PTBP1: variants seen among roughly 807,000 people sequenced by gnomAD.
PTBP1 encodes polypyrimidine tract-binding protein 1.
Under a neutral mutation model 59.8 loss-of-function variants are expected in PTBP1, and 8 were observed. The ratio of observed to expected loss-of-function variants is 0.13; its 90% CI spans 0.08 to 0.24. The LOEUF (loss-of-function observed/expected upper bound fraction) is 0.24. PTBP1 is among the 10% of genes least tolerant of loss of function. The probability of loss-of-function intolerance (pLI) is 1.00; values close to 1 mark genes in which losing one functional copy is unlikely to be tolerated. For missense variants in PTBP1, 686 were observed against 767.0 expected, an observed-to-expected ratio of 0.89 and a Z score of 1.25; for synonymous variants, 490 against 320.7, an observed-to-expected ratio of 1.53 and a Z score of -5.64.
At chr19:800,220 C>T (rs572316551) in intron 2 of PTBP1, among the ~76,000 whole-genome samples, 13 of 152,028 alleles carry the variant, frequency 8.6e-5, no homozygotes, top group Non-Finnish European at 1.8e-4. Flanking sequence ...AGTTGTGAGC[C>T]GCCAGACCCG....
intron 2 of PTBP1, among the ~76,000 whole-genome samples, chr19:801,308 G>GGAGCCTCC (rs1229431003): frequency 1.3e-5 from 2 of 152,212 alleles, no homozygotes; most frequent in Non-Finnish European, 2.9e-5. Context: ...GTGGAGCCTC[G>GGAGCCTCC]GAGCCTCCAG....
Position 808,177 on chromosome 19 carries a change from T to C in PTBP1, c.1154-183T>C. Reference sequence around the variant, plus strand: ...TTACCTGTCCTGGATGCTATGACTTTGCTGAACGGAGCTGCTCCTGTTAGC... The same window carrying C: ...TTACCTGTCCTGGATGCTATGACTTCGCTGAACGGAGCTGCTCCTGTTAGC... On this transcript the variant is annotated intron_variant, in intron 11 of 14. Transcript: ENST00000356948. This position sits in a 1 kb window ranked among gnomAD's most constrained non-coding sequence, Gnocchi z 4.7. The C allele has an allele frequency of 4.6e-6, 3 of 646,110 alleles. No individual in the cohort carries two copies. Among genetic ancestry groups the C allele is most frequent in the Non-Finnish European group, 5.5e-6 (2 of 362,548 alleles). 40.0% of individuals were successfully genotyped at this position (646,110 alleles called of 1,614,324 possible). A position where few individuals can be genotyped will look rare whatever the true frequency, so the allele number is the denominator to read the frequency against.
At chr19:806,357 C>T (rs2034574842) in intron 9 of PTBP1, 51 bp from the exon 10 acceptor site, 4 of 1,552,900 alleles carry the variant, frequency 2.6e-6, no homozygotes, top group Admixed American at 3.8e-5. Flanking sequence ...CTCTCCCACT[C>T]TGCGGTGGAG....
rs1303893166 is a variant in PTBP1 at position 805,458 on chromosome 19, T to G, written c.893-34T>G. The stretch of plus-strand genomic sequence containing the variant: ...CAGCGCCCGCTCGCGGTGGAGGTTG[T>G]GGGTGCGATGATTAGTGTCTCATTT... On this transcript the variant is annotated intron_variant, in intron 8 of 14. Transcript: ENST00000356948. 1 of 1,578,318 alleles carries G rather than the reference T, an allele frequency of 6.3e-7. No homozygotes were observed. The highest frequency in any genetic ancestry group is 8.7e-7 in the Non-Finnish European group (1 of 1,147,614).
At chr19:797,535 G>A (rs1398788343) in intron 1 of PTBP1, 30 bp downstream of exon 1, 6 of 1,472,782 alleles carry the variant, frequency 4.1e-6, no homozygotes, top group African/African-American at 1.5e-5. Context: ...GCGCCCCACC[G>A]CCCTCCCCGC....
rs2034431869 is a variant in PTBP1 at position 803,584 on chromosome 19, T to C, written c.63T>C (p.Ser21=). The C allele has an allele frequency of 6.2e-7, 1 of 1,614,166 alleles. No individual in the cohort carries two copies. Reference sequence around the variant, plus strand: ...AGCGGGGATCTGACGAGCTTTTCTCTACTTGTGTCACTAACGGACCGTTTA... The same window carrying C: ...AGCGGGGATCTGACGAGCTTTTCTCCACTTGTGTCACTAACGGACCGTTTA... ...GTKRGSDELF[S]TCVTNGPFIM... is the part of the protein sequence containing the mutation. Residue 21 remains serine (S), a synonymous_variant, in exon 3 of 15, where the codon TCT becomes TCC. Coordinates refer to ENST00000356948, the MANE Select transcript of PTBP1 (RefSeq NM_002819.5).
intron 10 of PTBP1, 146 bp downstream of exon 10, chr19:806,702 C>T (rs1018946274): frequency 1.6e-5 from 11 of 673,894 alleles, no homozygotes; most frequent in African/African-American, 1.2e-4. Flanking sequence ...GCGCTGAGAC[C>T]CTCCTTTTCC....
chr19:805,856 G>A (rs981757060), intron 9 of PTBP1: 1 of 453,108 alleles, frequency 2.2e-6, no homozygotes, highest in Non-Finnish European at 4.0e-6. Flanking sequence ...CGCGAGGACC[G>A]CCAGTGGTTG....
rs1460773516 is a variant in PTBP1, at chr19:811,650, ACCCAGTTTCCAGAGAGCAGGCGGGG to A, written c.*827_*851del. 1.3e-5 allele frequency: 2 copies of A among 152,348 alleles called. No individual in the cohort carries two copies. The highest frequency in any genetic ancestry group is 4.8e-5 in the African/African-American group (2 of 41,428). The allele number at this position is 152,348 out of a possible 1,614,324, so 9.4% of individuals were successfully genotyped here. On this transcript the variant is annotated 3_prime_UTR_variant, in exon 15 of 15. Coordinates refer to ENST00000356948, the MANE Select transcript of PTBP1 (RefSeq NM_002819.5). ...TCCTTGTAATTAAGTCACAGGCAGG[ACCCAGTTTCCAGAGAGCAGGCGGGG>A]CCGCCCAGTGGGTCAGGCACAGGGA...
At position 811,055 on chromosome 19, in the gene PTBP1, C is replaced by T. The variant is rs758492495; in HGVS notation, c.*229C>T. The T allele has an allele frequency of 1.9e-5, 9 of 469,268 alleles. No homozygotes were observed. The highest frequency in any genetic ancestry group is 3.3e-5 in the Non-Finnish European group (9 of 274,606). The allele number at this position is 469,268 out of a possible 1,614,324, so 29.1% of individuals were successfully genotyped here. Reference sequence around the variant, plus strand: ...ACTGTGGCAGCGGGAGTTCCCGGCCCTCCACACCCGGGGCCAGACCCTCGG... The same window carrying T: ...ACTGTGGCAGCGGGAGTTCCCGGCCTTCCACACCCGGGGCCAGACCCTCGG... On this transcript the variant is annotated 3_prime_UTR_variant, in exon 15 of 15. Transcript: ENST00000356948.
chr19:797,518 T>A lies in PTBP1; in HGVS notation c.8+13T>A. The A allele has an allele frequency of 6.6e-7, 1 of 1,514,844 alleles. No individual in the cohort carries two copies. Among genetic ancestry groups the A allele is most frequent in the Non-Finnish European group, 8.8e-7 (1 of 1,137,294 alleles). The allele number at this position is 1,514,844 out of a possible 1,614,324, so 93.8% of individuals were successfully genotyped here. On this transcript the variant is annotated intron_variant, in intron 1 of 14. Transcript: ENST00000356948. ...GTGCCATGGACGGGTGAGTCGCACG[T>A]CGCCCCGCGCCCCACCGCCCTCCCC...
rs1277699301 is a variant in PTBP1 at position 805,646 on chromosome 19, CGGCAGCCTG to C, written c.970+81_970+89del. On this transcript the variant is annotated intron_variant, in intron 9 of 14. Transcript: ENST00000356948. Reference sequence around the variant, plus strand: ...TTCCCAGGCAGCTCCGCATCCACGGCGGCAGCCTGGGCGGACTGGGCACTCGAGTGCCAG... The same window carrying C: ...TTCCCAGGCAGCTCCGCATCCACGGCGGCGGACTGGGCACTCGAGTGCCAG... 3.1e-6 allele frequency: 4 copies of C among 1,305,676 alleles called. No homozygotes were observed. In the African/African-American group the frequency reaches 4.4e-5, roughly 14 times the overall value. 80.9% of individuals were successfully genotyped at this position (1,305,676 alleles called of 1,614,324 possible). A position where few individuals can be genotyped will look rare whatever the true frequency, so the allele number is the denominator to read the frequency against.
chr19:808,257 CGGGCTGAGCCGGGCCTTGTG>C lies in PTBP1; in HGVS notation c.1154-99_1154-80del. On this transcript the variant is annotated intron_variant, in intron 11 of 14. Coordinates refer to ENST00000356948, the MANE Select transcript of PTBP1 (RefSeq NM_002819.5). The surrounding 1 kb of genome is among the most constrained non-coding windows in gnomAD (Gnocchi z 4.7). ...CAGTGGCCGATAAAGCAAACCCGGC[CGGGCTGAGCCGGGCCTTGTG>C]GGGGTGCGCGGGGCCGGGGCTGACG... 2 of 992,668 alleles carry C rather than the reference CGGGCTGAGCCGGGCCTTGTG, an allele frequency of 2.0e-6. No homozygotes were observed. The highest frequency in any genetic ancestry group is 3.1e-6 in the Non-Finnish European group (2 of 651,052). The allele number at this position is 992,668 out of a possible 1,614,324, so 61.5% of individuals were successfully genotyped here.
At chr19:809,445 T>A (rs759845507) in intron 13 of PTBP1, among the ~76,000 whole-genome samples, 5 of 151,972 alleles carry the variant, frequency 3.3e-5, no homozygotes, top group Admixed American at 6.6e-5. Flanking sequence ...GCCTCCCGAG[T>A]AGCTGGGAGG....
intron 10 of PTBP1, chr19:807,364 G>C (rs983804472): frequency 6.4e-6 from 1 of 156,874 alleles, no homozygotes; most frequent in Non-Finnish European, 1.4e-5. Flanking sequence ...GCGTGGTTGG[G>C]ATCGGCTTCT....
chr19:799,334 C>G (rs745634244), intron 1 of PTBP1, 79 bp from the exon 2 acceptor site: 2 of 1,386,134 alleles, frequency 1.4e-6, no homozygotes, highest in Admixed American at 3.3e-5. Context: ...TACGGGCTCT[C>G]CTGGCCCGGG....
chr19:799,710 C>G (rs907182228), intron 2 of PTBP1, among the ~76,000 whole-genome samples: 5 of 152,208 alleles, frequency 3.3e-5, no homozygotes, highest in African/African-American at 1.2e-4. Context: ...AGCGAGGGCT[C>G]TGTGTGCCCC....
intron 1 of PTBP1, chr19:798,618 C>G (rs1307613492): frequency 1.3e-5 from 2 of 152,232 alleles, no homozygotes; most frequent in Non-Finnish European, 2.9e-5. Context: ...GGGCCGCGCA[C>G]TCGCCTCCCG....
Position 804,369 on chromosome 19 carries a change from C to T in PTBP1, c.366C>T (p.Arg122=), listed in dbSNP as rs755917615. The change falls in exon 5 of 15, where the codon CGC becomes CGT. Residue 122 remains arginine, a synonymous_variant. Coordinates refer to ENST00000356948, the MANE Select transcript of PTBP1 (RefSeq NM_002819.5). ...ACACCTCGGTGACCCCTGTGCTGCG[C>T]GGCCAGCCCATCTACATCCAGTTCT... ...NYYTSVTPVL[R]GQPIYIQFSN... The T allele has an allele frequency of 2.7e-5, 44 of 1,612,926 alleles. No homozygotes were observed. The highest frequency in any genetic ancestry group is 1.6e-4 in the East Asian group (7 of 44,894).
Sources: allele counts gnomAD v4.1 joint callset (sites outside exome capture counted in the v4.1 genomes callset), GRCh38; gene constraint gnomAD v4.1.1; non-coding constraint Gnocchi (gnomAD v3.1); transcripts MANE v1.5; gene names NCBI Gene and HGNC (gene_info 2026-07-23, HGNC 2026-07-21).